Variants in DACH1 observed in about 807,000 individuals in gnomAD.
DACH1 encodes dachshund homolog 1.
In DACH1, 12 loss-of-function variants were observed where a neutral mutation model predicts 54.2. That is an observed-to-expected ratio of 0.22 (90% CI 0.14 to 0.36). The LOEUF is 0.36. Ranked by LOEUF, DACH1 falls within the 10% of genes least tolerant of loss-of-function variation. DACH1 has a pLI of 1.00. For synonymous variants in DACH1, 386 were observed against 366.2 expected (o/e 1.05, Z -0.62); for missense variants, 805 against 929.8 (o/e 0.87, Z 1.75).
intron 2 of DACH1, among the ~76,000 whole-genome samples, chr13:71,658,693 A>T (rs558132931): frequency 6.6e-6 from 1 of 152,344 alleles, no homozygotes; most frequent in Middle Eastern, 3.4e-3. Flanking sequence ...ATTATTTAAA[A>T]GTCTAAAACC....
At chr13:71,709,463 T>C (rs1882607930) in intron 1 of DACH1, among the ~76,000 whole-genome samples, 1 of 152,078 alleles carries the variant, frequency 6.6e-6, no homozygotes. Context: ...ACGTGAATTG[T>C]CCATTTTCCA....
intron 6 of DACH1, among the ~76,000 whole-genome samples, chr13:71,519,006 T>C (rs192977807): frequency 1.2e-3 from 183 of 152,054 alleles, no homozygotes; most frequent in African/African-American, 4.1e-3. Context: ...TTATATACCA[T>C]ATACATCTGG....
At chr13:71,692,803 G>A (rs1881591512) in intron 1 of DACH1, among the ~76,000 whole-genome samples, 1 of 151,854 alleles carries the variant, frequency 6.6e-6, no homozygotes, top group Non-Finnish European at 1.5e-5. Context: ...TTACAGGCGT[G>A]AGCCACCACA....
chr13:71,865,874 G>T, intron 1 of DACH1, 48 bp downstream of exon 1: 1 of 1,528,156 alleles, frequency 6.5e-7, no homozygotes, highest in Non-Finnish European at 8.8e-7. Context: ...AGGCGAGCAG[G>T]CTGGTGGGAA....
At position 71,713,089 on chromosome 13, in the gene DACH1, CTT is replaced by C. The variant is rs111368443; in HGVS notation, c.849-31181_849-31180del. Among the ~76,000 whole-genome samples the C allele has an allele frequency of 6.9e-3, 997 of 143,702 alleles. 6 individuals carry two copies. The highest frequency in any genetic ancestry group is 0.027 in the Middle Eastern group (7 of 262). The allele number at this position is 143,702 out of a possible 152,430, so 94.3% of individuals were successfully genotyped here. On this transcript the variant is annotated intron_variant, in intron 1 of 10. Transcript: ENST00000613252. ...GCCCAAGATTTCTTCTTTTCTTCTT[CTT>C]TTTTTTTTTTTCCTTTCTGTTTTGT... is the stretch of plus-strand genomic sequence containing the variant.
intron 6 of DACH1, among the ~76,000 whole-genome samples, chr13:71,507,025 G>A (rs897039711): frequency 6.6e-6 from 1 of 151,086 alleles, no homozygotes; most frequent in African/African-American, 2.4e-5. Context: ...AACACCAAAA[G>A]CAATGGCAAC....
chr13:71,632,581 T>C (rs930312877), intron 2 of DACH1, among the ~76,000 whole-genome samples: 2 of 152,178 alleles, frequency 1.3e-5, no homozygotes, highest in African/African-American at 4.8e-5. Context: ...CTTCTAGTTA[T>C]TCTAGCAAAT....
rs572245298 is a variant in DACH1, at chr13:71,648,021, T to C, written c.965-17304A>G. Among the ~76,000 whole-genome samples, 137 of 152,342 alleles carry C rather than the reference T, an allele frequency of 9.0e-4. 2 individuals carry two copies. Among genetic ancestry groups the C allele is most frequent in the African/African-American group, 3.1e-3 (127 of 41,574 alleles). ...ATAAAATTACACAGTGAATTTGATT[T>C]TTATATTTAGAGTTACCAGGAACAG... On this transcript the variant is annotated intron_variant, in intron 2 of 10. Coordinates refer to ENST00000613252, the MANE Select transcript of DACH1 (RefSeq NM_080759.6).
intron 1 of DACH1, among the ~76,000 whole-genome samples, chr13:71,816,882 G>A (rs1434898671): frequency 6.6e-6 from 1 of 151,878 alleles, no homozygotes; most frequent in African/African-American, 2.4e-5. Flanking sequence ...GACACATAGA[G>A]GGAAACAACA....
intron 1 of DACH1, among the ~76,000 whole-genome samples, chr13:71,799,513 G>T (rs1887200545): frequency 6.6e-6 from 1 of 152,048 alleles, no homozygotes; most frequent in Non-Finnish European, 1.5e-5. Flanking sequence ...TTTTACAATA[G>T]CTTACACCAT....
intron 10 of DACH1, among the ~76,000 whole-genome samples, chr13:71,446,464 A>G (rs933698580): frequency 1.1e-4 from 17 of 152,180 alleles, no homozygotes; most frequent in African/African-American, 3.4e-4. Flanking sequence ...ATCGATTTTA[A>G]GTCTAAACTT....
intron 3 of DACH1, among the ~76,000 whole-genome samples, chr13:71,586,635 G>C (rs555468782): frequency 6.6e-6 from 1 of 151,934 alleles, no homozygotes; most frequent in South Asian, 2.1e-4. Flanking sequence ...ATATCGTGTA[G>C]GCAATAATTT....
intron 2 of DACH1, among the ~76,000 whole-genome samples, chr13:71,656,400 A>G (rs1209685618): frequency 6.6e-6 from 1 of 152,152 alleles, no homozygotes; most frequent in Non-Finnish European, 1.5e-5. Flanking sequence ...TGAATAGGGC[A>G]TCTGGTCAAA....
chr13:71,453,720 C>A (rs1161136903), intron 10 of DACH1, among the ~76,000 whole-genome samples: 3 of 152,102 alleles, frequency 2.0e-5, no homozygotes, highest in Admixed American at 1.3e-4. Context: ...AGTTCTACAT[C>A]TTTAAAGCCT....
At chr13:71,540,766 T>C (rs1036921549) in intron 6 of DACH1, among the ~76,000 whole-genome samples, 1 of 152,026 alleles carries the variant, frequency 6.6e-6, no homozygotes, top group Non-Finnish European at 1.5e-5. Context: ...TCTCATGACT[T>C]AGGGTATTTA....
At chr13:71,643,566 A>G (rs1878056319) in intron 2 of DACH1, among the ~76,000 whole-genome samples, 2 of 152,330 alleles carry the variant, frequency 1.3e-5, no homozygotes, top group Non-Finnish European at 2.9e-5. Flanking sequence ...TTGTTACTTT[A>G]TCTAATCAAA....
intron 2 of DACH1, among the ~76,000 whole-genome samples, chr13:71,654,089 C>G (rs1365357446): frequency 6.6e-6 from 1 of 152,052 alleles, no homozygotes; most frequent in African/African-American, 2.4e-5. Flanking sequence ...AGGTAACCAT[C>G]TAAAATTAGA....
chr13:71,756,631 A>T (rs1164293475), intron 1 of DACH1, among the ~76,000 whole-genome samples: 2 of 152,182 alleles, frequency 1.3e-5, no homozygotes, highest in Non-Finnish European at 2.9e-5. Flanking sequence ...ATAGGGCAGG[A>T]TTCCTCTAAC....
At chr13:71,594,227 T>G (rs539131863) in intron 3 of DACH1, among the ~76,000 whole-genome samples, 1 of 151,878 alleles carries the variant, frequency 6.6e-6, no homozygotes, top group African/African-American at 2.4e-5. Context: ...CAAAGGTATT[T>G]TTAAAAGGAA....
Sources: gnomAD v4.1 joint callset for allele counts (sites outside exome capture counted in the v4.1 genomes callset) on GRCh38, gnomAD v4.1.1 for gene constraint, MANE v1.5 for transcripts, NCBI Gene and HGNC (gene_info 2026-07-23, HGNC 2026-07-21) for gene names.